The following TRAIP variants were observed in gnomAD, a reference collection of about 807,000 sequenced individuals.
The protein encoded by TRAIP is TRAF interacting protein.
Under a neutral mutation model 65.0 loss-of-function variants are expected in TRAIP, and 37 were observed. The observed-to-expected ratio is 0.57, with a 90% CI of 0.44 to 0.75. TRAIP has a LOEUF of 0.75. Ranked by LOEUF, TRAIP falls within the 30% of genes least tolerant of loss-of-function variation. The probability of loss-of-function intolerance (pLI) is 0.00; values close to 1 mark genes in which losing one functional copy is unlikely to be tolerated. For missense variants in TRAIP, 481 were observed against 579.4 expected (o/e 0.83, Z 1.74); for synonymous variants, 187 against 219.1 (o/e 0.85, Z 1.29).
At chr3:49,845,649 C>A (rs2081875924) in intron 3 of TRAIP, among the ~76,000 whole-genome samples, 1 of 152,210 alleles carries the variant, frequency 6.6e-6, no homozygotes, top group Non-Finnish European at 1.5e-5. Context: ...CAGGACATGG[C>A]TGCTGCACCA....
At chr3:49,834,479 G>T (rs1220007498) in intron 10 of TRAIP, among the ~76,000 whole-genome samples, 3 of 152,282 alleles carry the variant, frequency 2.0e-5, no homozygotes, top group African/African-American at 7.2e-5. Flanking sequence ...CTGAAAACTG[G>T]AACACTGATG....
chr3:49,856,397 G>A lies in TRAIP; in HGVS notation c.57C>T (p.Asp19=). ...ICSDFFDHSR[D]VAAIHCGHTF... The stretch of plus-strand genomic sequence containing the variant: ...TGTGGCCGCAGTGGATGGCGGCCAC[G>A]TCGCGGGAGTGATCGAAGAAGTCGG... The change falls in exon 1 of 15, where the codon GAC becomes GAT. Residue 19 remains aspartate (D), a synonymous_variant. Coordinates refer to ENST00000331456, the MANE Select transcript of TRAIP (RefSeq NM_005879.3). 1 of 1,614,114 alleles carries A rather than the reference G, an allele frequency of 6.2e-7. No individual in the cohort carries two copies. Among genetic ancestry groups the A allele is most frequent in the Non-Finnish European group, 8.5e-7 (1 of 1,180,016 alleles).
intron 1 of TRAIP, among the ~76,000 whole-genome samples, chr3:49,854,969 T>C (rs2081959614): frequency 2.0e-5 from 3 of 150,928 alleles, no homozygotes; most frequent in Admixed American, 2.0e-4. Context: ...GAGGCTAAGA[T>C]GGGAGAATCA....
At position 49,848,382 on chromosome 3, in the gene TRAIP, G is replaced by T. The variant is rs1051919426; in HGVS notation, c.99-182C>A. Among the ~76,000 whole-genome samples the T allele has an allele frequency of 3.9e-5, 6 of 152,196 alleles. No homozygotes were observed. The South Asian group carries it at 1.2e-3, about 32-fold the overall frequency. ...CCCGCAAGGCCTGATGGGTACTCAGGACTCCAACCAGCTGGCCCTTTTTTT... is the reference window on the plus strand; with the variant it reads ...CCCGCAAGGCCTGATGGGTACTCAGTACTCCAACCAGCTGGCCCTTTTTTT... On this transcript the variant is annotated intron_variant, in intron 1 of 14. Coordinates refer to ENST00000331456, the MANE Select transcript of TRAIP (RefSeq NM_005879.3).
rs1334136591 is a variant in TRAIP at position 49,847,470 on chromosome 3, A to C, written c.240+55T>G. 2.7e-6 allele frequency: 3 copies of C among 1,126,078 alleles called. No individual in the cohort carries two copies. In the East Asian group the frequency reaches 7.2e-5, roughly 27 times the overall value. The allele number at this position is 1,126,078 out of a possible 1,614,324, so 69.8% of individuals were successfully genotyped here. A position where few individuals can be genotyped will look rare whatever the true frequency, so the allele number is the denominator to read the frequency against. On this transcript the variant is annotated intron_variant, in intron 3 of 14. Coordinates refer to ENST00000331456, the MANE Select transcript of TRAIP (RefSeq NM_005879.3). ...AAAAAAGAAAAGAAAAGAAAAAAGA[A>C]AAGTGAACTCGCACAAGGCTTGGAG...
chr3:49,849,840 C>CTTTTTTTTTTTTTT (rs1185587392), intron 1 of TRAIP, among the ~76,000 whole-genome samples: 3 of 89,868 alleles, frequency 3.3e-5, no homozygotes, highest in East Asian at 3.5e-4. Flanking sequence ...CTTTTCTTTT[C>CTTTTTTTTTTTTTT]TTTTTTTTTT....
chr3:49,842,680 A>C, intron 5 of TRAIP, 133 bp from the exon 6 acceptor site: 4 of 769,854 alleles, frequency 5.2e-6, no homozygotes, highest in South Asian at 1.7e-5. Context: ...GTACTCCCAA[A>C]CCCCAGGAGG....
chr3:49,842,703 G>C (rs372068655), intron 5 of TRAIP, among the ~76,000 whole-genome samples, 156 bp from the exon 6 acceptor site: 45 of 152,236 alleles, frequency 3.0e-4, no homozygotes, highest in African/African-American at 1.0e-3. Context: ...AAGCTCCTGG[G>C]TCCCACTCTC....
At chr3:49,849,848 T>C (rs1320463773) in intron 1 of TRAIP, among the ~76,000 whole-genome samples, 10 of 139,950 alleles carry the variant, frequency 7.1e-5, no homozygotes, top group Admixed American at 7.0e-5. Context: ...TTCTTTTTTT[T>C]TTTTTTTTTT....
chr3:49,831,807 C>T (rs1355061298), intron 11 of TRAIP, 109 bp downstream of exon 11: 13 of 1,300,748 alleles, frequency 1.0e-5, no homozygotes, highest in Non-Finnish European at 1.3e-5. Flanking sequence ...CAAGCCTAGG[C>T]AACCCTCACT....
At chr3:49,846,610 G>T (rs1377448086) in intron 3 of TRAIP, among the ~76,000 whole-genome samples, 1 of 152,214 alleles carries the variant, frequency 6.6e-6, no homozygotes, top group Non-Finnish European at 1.5e-5. Context: ...TTCCCTCACA[G>T]TGCATTTCTC....
chr3:49,828,765 C>G lies in TRAIP; in HGVS notation c.*338G>C. ...GGCTGCCTGAGATGCCTCAAGCACTCTGGTCCACAGAGACAGTCAACAAGT... is the reference window on the plus strand; with the variant it reads ...GGCTGCCTGAGATGCCTCAAGCACTGTGGTCCACAGAGACAGTCAACAAGT... On this transcript the variant is annotated 3_prime_UTR_variant, in exon 15 of 15. Transcript: ENST00000331456. 1 of 289,626 alleles carries G rather than the reference C, an allele frequency of 3.5e-6. No individual in the cohort carries two copies. Among genetic ancestry groups the G allele is most frequent in the East Asian group, 7.1e-5 (1 of 14,120 alleles). The allele number at this position is 289,626 out of a possible 1,614,324, so 17.9% of individuals were successfully genotyped here. A position where few individuals can be genotyped will look rare whatever the true frequency, so the allele number is the denominator to read the frequency against.
At chr3:49,835,957 C>G (rs1489547377) in intron 10 of TRAIP, among the ~76,000 whole-genome samples, 2 of 143,348 alleles carry the variant, frequency 1.4e-5, no homozygotes, top group African/African-American at 5.2e-5. Context: ...AAAAAAAATT[C>G]TTAATTTTTT....
At chr3:49,832,700 C>CG (rs77955232) in intron 10 of TRAIP, among the ~76,000 whole-genome samples, 67 of 6,062 alleles carry the variant, frequency 0.011, 1 homozygote, top group South Asian at 0.028. Context: ...TTTTATAACA[C>CG]GGGGGGGGGG....
In TRAIP at chr3:49,833,541, G is replaced by A. The variant is rs561201019; in HGVS notation, c.885-1473C>T. ...GTCACCCAGGCTGGAGTGCAGTGGT[G>A]CGATCTCGGCTCACTGCAAGCTCCG... On this transcript the variant is annotated intron_variant, in intron 10 of 14. Coordinates refer to ENST00000331456, the MANE Select transcript of TRAIP (RefSeq NM_005879.3). 1.1e-4 allele frequency among the ~76,000 whole-genome samples: 16 copies of A among 150,812 alleles called. No homozygotes were observed. The South Asian group carries it at 2.5e-3, about 24-fold the overall frequency.
At chr3:49,853,598 C>T (rs1575401542) in intron 1 of TRAIP, among the ~76,000 whole-genome samples, 1 of 152,188 alleles carries the variant, frequency 6.6e-6, no homozygotes, top group East Asian at 1.9e-4. Context: ...GTAATCCCAG[C>T]ACTTTGGGAG....
rs972713747 is a variant in TRAIP, at chr3:49,840,529, A to G, written c.706-156T>C. The G allele has an allele frequency of 3.3e-5, 21 of 629,300 alleles. No individual in the cohort carries two copies. The Admixed American group carries it at 5.8e-4, about 17-fold the overall frequency. 39.0% of individuals were successfully genotyped at this position (629,300 alleles called of 1,614,324 possible). A position where few individuals can be genotyped will look rare whatever the true frequency, so the allele number is the denominator to read the frequency against. ...TCTGAGGCTAGGCCTCAGTCTGGCA[A>G]TGCACATCCGGAGCTGCCTAGAAGC... On this transcript the variant is annotated intron_variant, in intron 8 of 14. Transcript: ENST00000331456.
In TRAIP at chr3:49,843,910, C is replaced by T; in HGVS notation, c.299G>A (p.Ser100Asn). 6.2e-7 allele frequency: 1 copy of T among 1,610,184 alleles called. No homozygotes were observed. The highest frequency in any genetic ancestry group is 1.1e-5 in the South Asian group (1 of 90,994). Residue 100 changes from serine (S) to asparagine (N), a missense_variant, in exon 5 of 15, where the codon AGC (serine) becomes AAC (asparagine). Transcript: ENST00000331456. ...LSQKDKEKRD[S>N]QVIIDTLRDT... ...CCGCAGAGTGTCGATGATGACCTGG[C>T]TGTCTCGTTTCTCCTTGTCTGGAGC...
intron 1 of TRAIP, 150 bp downstream of exon 1, chr3:49,856,206 A>G (rs1005356530): frequency 3.0e-6 from 2 of 660,566 alleles, no homozygotes; most frequent in African/African-American, 1.8e-5. Context: ...ACTTCTGCCC[A>G]GGTTGGGAAG....
Sources: gnomAD v4.1 joint callset for allele counts (sites outside exome capture counted in the v4.1 genomes callset) on GRCh38, gnomAD v4.1.1 for gene constraint, MANE v1.5 for transcripts, NCBI Gene and HGNC (gene_info 2026-07-23, HGNC 2026-07-21) for gene names.